The following TAF3 variants were observed in gnomAD, a reference collection of about 807,000 sequenced individuals.
TAF3 encodes the protein TATA-box binding protein associated factor 3, also known as transcription initiation factor TFIID subunit 3.
TAF3 carries 7 observed loss-of-function variants against 80.6 expected under a neutral mutation model. The observed-to-expected ratio is 0.09, with a 90% CI of 0.05 to 0.16. The LOEUF (loss-of-function observed/expected upper bound fraction) is 0.16. Ranked by LOEUF, TAF3 falls within the 10% of genes least tolerant of loss-of-function variation. The probability of loss-of-function intolerance (pLI) is 1.00; values close to 1 mark genes in which losing one functional copy is unlikely to be tolerated. For synonymous variants in TAF3, 444 were observed against 446.1 expected (o/e 1.00, Z 0.06); for missense variants, 921 against 1,140.2 (o/e 0.81, Z 2.77).
intron 4 of TAF3, among the ~76,000 whole-genome samples, chr10:7,983,250 T>C (rs955947505): frequency 2.6e-5 from 4 of 152,258 alleles, no homozygotes; most frequent in Middle Eastern, 3.4e-3. Flanking sequence ...GCAGCCCCTG[T>C]GGTAGGGAGG....
chr10:7,866,856 A>G (rs1463762057), intron 2 of TAF3, among the ~76,000 whole-genome samples: 2 of 152,214 alleles, frequency 1.3e-5, no homozygotes, highest in Non-Finnish European at 2.9e-5. Flanking sequence ...ATTTGTTTTT[A>G]TGGTGCGCTC....
At chr10:7,979,455 CCTCA>C (rs1410423521) in intron 4 of TAF3, among the ~76,000 whole-genome samples, 3 of 151,984 alleles carry the variant, frequency 2.0e-5, no homozygotes, top group African/African-American at 7.3e-5. Flanking sequence ...CTGTTTTCCC[CCTCA>C]ATAAATCACT....
chr10:7,882,615 AC>A (rs1837372419), intron 2 of TAF3, among the ~76,000 whole-genome samples: 1 of 152,200 alleles, frequency 6.6e-6, no homozygotes, highest in African/African-American at 2.4e-5. Flanking sequence ...CTTGGACTCA[AC>A]ATAAGGAAGA....
At chr10:7,900,569 C>A (rs1224959631) in intron 2 of TAF3, among the ~76,000 whole-genome samples, 1 of 152,148 alleles carries the variant, frequency 6.6e-6, no homozygotes, top group Non-Finnish European at 1.5e-5. Flanking sequence ...TTGAAAACTC[C>A]TGTGCCCCTA....
chr10:7,909,329 T>C (rs1470627445), intron 2 of TAF3, among the ~76,000 whole-genome samples: 3 of 152,030 alleles, frequency 2.0e-5, no homozygotes, highest in Non-Finnish European at 4.4e-5. Flanking sequence ...AGTCAGGAGG[T>C]GGAGGCCAGC....
intron 2 of TAF3, among the ~76,000 whole-genome samples, chr10:7,884,407 A>G (rs1387596653): frequency 9.1e-5 from 3 of 33,034 alleles, no homozygotes; most frequent in Admixed American, 1.0e-3. Context: ...TTTTTTTGAG[A>G]TGGAGTTTTG....
intron 2 of TAF3, among the ~76,000 whole-genome samples, chr10:7,855,976 A>G (rs1837075561): frequency 6.6e-6 from 1 of 152,058 alleles, no homozygotes; most frequent in African/African-American, 2.4e-5. Flanking sequence ...CTCTACTAGT[A>G]TTCTAAGAGA....
chr10:7,827,553 G>A (rs565229434), intron 2 of TAF3, among the ~76,000 whole-genome samples: 33 of 152,098 alleles, frequency 2.2e-4, no homozygotes, highest in African/African-American at 6.5e-4. Flanking sequence ...AGGCGGAGAC[G>A]GGCGGATCAC....
Position 7,924,751 on chromosome 10 carries a change from G to GT in TAF3, c.410-39158dup, listed in dbSNP as rs930380950. Among the ~76,000 whole-genome samples, 1,000 of 145,574 alleles carry GT rather than the reference G, an allele frequency of 6.9e-3. 6 individuals carry two copies. The highest frequency in any genetic ancestry group is 0.021 in the African/African-American group (859 of 39,988). ...ACCACCCCAACAGAACACTATCTGT[G>GT]TTTTTTTTTTTCTTGTGGTGAGAGA... On this transcript the variant is annotated intron_variant, in intron 2 of 6. Coordinates refer to ENST00000344293, the MANE Select transcript of TAF3 (RefSeq NM_031923.4).
intron 2 of TAF3, among the ~76,000 whole-genome samples, chr10:7,875,386 T>G (rs1837304311): frequency 6.6e-6 from 1 of 152,170 alleles, no homozygotes; most frequent in South Asian, 2.1e-4. Context: ...CTTAGCCATT[T>G]CTCTTTCTGG....
At chr10:7,886,113 G>T (rs140420306) in intron 2 of TAF3, among the ~76,000 whole-genome samples, 1 of 152,046 alleles carries the variant, frequency 6.6e-6, no homozygotes, top group Non-Finnish European at 1.5e-5. Flanking sequence ...TTGTAGAGAT[G>T]TGGGGGGGTC....
At chr10:7,925,806 AAAAAAAG>A (rs995739776) in intron 2 of TAF3, among the ~76,000 whole-genome samples, 1 of 143,776 alleles carries the variant, frequency 7.0e-6, no homozygotes, top group African/African-American at 2.5e-5. Flanking sequence ...CTCAAAAAAA[AAAAAAAG>A]AAAAGAAAAG....
chr10:7,941,247 A>T (rs1052451672), intron 2 of TAF3, among the ~76,000 whole-genome samples: 5 of 152,220 alleles, frequency 3.3e-5, no homozygotes, highest in African/African-American at 1.2e-4. Flanking sequence ...GACAGGTAGA[A>T]TGTCTTTCCT....
intron 2 of TAF3, among the ~76,000 whole-genome samples, chr10:7,915,727 C>T (rs1041517715): frequency 1.8e-4 from 27 of 151,704 alleles, no homozygotes; most frequent in Non-Finnish European, 3.2e-4. Flanking sequence ...CTTGTAATCC[C>T]GGCACCTTTG....
chr10:7,889,423 T>C (rs553291351), intron 2 of TAF3, among the ~76,000 whole-genome samples: 1 of 152,298 alleles, frequency 6.6e-6, no homozygotes, highest in East Asian at 1.9e-4. Flanking sequence ...GCAAATACTA[T>C]TCACATCTGT....
chr10:7,863,624 A>ATATATATATAT (rs1449874157), intron 2 of TAF3, among the ~76,000 whole-genome samples: 1 of 58,098 alleles, frequency 1.7e-5, no homozygotes, highest in African/African-American at 6.2e-5. Context: ...AAAAAAAAAA[A>ATATATATATAT]AAATATATAT....
chr10:8,010,238 G>A (rs908642720), intron 5 of TAF3, among the ~76,000 whole-genome samples: 4 of 152,178 alleles, frequency 2.6e-5, no homozygotes, highest in African/African-American at 9.7e-5. Context: ...GTTTTTCACT[G>A]CATTTTCAAG....
chr10:7,820,703 C>T (rs1233690834), intron 1 of TAF3, among the ~76,000 whole-genome samples: 4 of 152,174 alleles, frequency 2.6e-5, no homozygotes, highest in African/African-American at 4.8e-5. Flanking sequence ...TTATATTGCT[C>T]AGGCTTGTGT....
At chr10:7,924,209 A>C (rs186249519) in intron 2 of TAF3, among the ~76,000 whole-genome samples, 1 of 152,206 alleles carries the variant, frequency 6.6e-6, no homozygotes, top group Non-Finnish European at 1.5e-5. Context: ...GTGAGGGAGA[A>C]ATGGAAAGCC....
Sources: gnomAD v4.1 joint callset for allele counts (sites outside exome capture counted in the v4.1 genomes callset) on GRCh38, gnomAD v4.1.1 for gene constraint, MANE v1.5 for transcripts, NCBI Gene and HGNC (gene_info 2026-07-23, HGNC 2026-07-21) for gene names.